The following UBE2E2 variants were observed in gnomAD, a reference collection of about 807,000 sequenced individuals.
The protein encoded by UBE2E2 is ubiquitin conjugating enzyme E2 E2, also known as ubiquitin-conjugating enzyme E2 E2.
In UBE2E2, 6 loss-of-function variants were observed where a neutral mutation model predicts 24.7. That is an observed-to-expected ratio of 0.24 (90% CI 0.13 to 0.48). The LOEUF is 0.48. Ranked by LOEUF, UBE2E2 falls within the 20% of genes least tolerant of loss-of-function variation. The pLI is 0.99. For synonymous variants in UBE2E2, 104 were observed against 83.6 expected (o/e 1.24, Z -1.33); for missense variants, 169 against 245.0 (o/e 0.69, Z 2.07).
intron 3 of UBE2E2, among the ~76,000 whole-genome samples, chr3:23,348,689 C>T (rs1695634861): frequency 6.6e-6 from 1 of 152,050 alleles, no homozygotes; most frequent in African/African-American, 2.4e-5. Context: ...AAGAATGATA[C>T]CTGGGCCCTG....
intron 4 of UBE2E2, among the ~76,000 whole-genome samples, chr3:23,518,115 T>TA (rs1245413032): frequency 6.6e-6 from 1 of 152,136 alleles, no homozygotes; most frequent in Non-Finnish European, 1.5e-5. Flanking sequence ...GCAGTAGTCT[T>TA]ACAGAGAATA....
intron 3 of UBE2E2, among the ~76,000 whole-genome samples, chr3:23,270,042 G>C (rs1027911069): frequency 4.0e-5 from 6 of 151,770 alleles, no homozygotes; most frequent in Non-Finnish European, 8.8e-5. Context: ...TGCAGGCCCC[G>C]AGTAGCTCAT....
At chr3:23,403,227 C>A (rs1262547731) in intron 3 of UBE2E2, among the ~76,000 whole-genome samples, 5 of 152,234 alleles carry the variant, frequency 3.3e-5, no homozygotes, top group Non-Finnish European at 7.3e-5. Flanking sequence ...TCAAACACCA[C>A]CCCTGTGGGC....
At chr3:23,300,588 C>T (rs556334317) in intron 3 of UBE2E2, among the ~76,000 whole-genome samples, 1 of 152,190 alleles carries the variant, frequency 6.6e-6, no homozygotes, top group Admixed American at 6.5e-5. Flanking sequence ...AAATTCATTT[C>T]TTTAAGAATG....
intron 3 of UBE2E2, among the ~76,000 whole-genome samples, chr3:23,410,310 A>G (rs1037221041): frequency 4.6e-5 from 7 of 152,188 alleles, no homozygotes; most frequent in Admixed American, 3.9e-4. Context: ...CAGCATTTAA[A>G]CAACAGTTTT....
intron 3 of UBE2E2, among the ~76,000 whole-genome samples, chr3:23,360,198 G>A (rs547212890): frequency 6.6e-6 from 1 of 152,252 alleles, no homozygotes; most frequent in East Asian, 1.9e-4. Context: ...ATGTTCCAAA[G>A]TATTCCCATA....
At chr3:23,354,073 A>C (rs1236299007) in intron 3 of UBE2E2, among the ~76,000 whole-genome samples, 1 of 152,202 alleles carries the variant, frequency 6.6e-6, no homozygotes, top group Non-Finnish European at 1.5e-5. Context: ...AGCCCTCAGA[A>C]ATAACGCCAC....
chr3:23,584,491 A>C (rs1696563667), intron 5 of UBE2E2, among the ~76,000 whole-genome samples: 1 of 151,946 alleles, frequency 6.6e-6, no homozygotes, highest in East Asian at 1.9e-4. Flanking sequence ...TTTCCTCTAG[A>C]ATCAAAGGTG....
chr3:23,278,941 A>T (rs191749711), intron 3 of UBE2E2, among the ~76,000 whole-genome samples: 1 of 131,726 alleles, frequency 7.6e-6, no homozygotes, highest in Admixed American at 7.1e-5. Flanking sequence ...TTCATTTTCC[A>T]GTTTTTTTTA....
rs992759010 is a variant in UBE2E2 at position 23,588,414 on chromosome 3, T to G, written c.509-1320T>G. On this transcript the variant is annotated intron_variant, in intron 5 of 5. Transcript: ENST00000396703. ...TTTTTGTTTTTTTGTTTTTTTGTTT[T>G]TTTTTTTTTGTCTTTTTTTTTAAAG... Among the ~76,000 whole-genome samples the G allele has an allele frequency of 1.8e-3, 254 of 137,872 alleles. 1 individual carries two copies. The highest frequency in any genetic ancestry group is 7.2e-3 in the African/African-American group (235 of 32,672). 90.4% of individuals were successfully genotyped at this position (137,872 alleles called of 152,430 possible). A position where few individuals can be genotyped will look rare whatever the true frequency, so the allele number is the denominator to read the frequency against.
chr3:23,568,672 C>CAT (rs563545833), intron 5 of UBE2E2, among the ~76,000 whole-genome samples: 1 of 139,344 alleles, frequency 7.2e-6, no homozygotes, highest in African/African-American at 2.7e-5. Flanking sequence ...TATATACGCA[C>CAT]ATATATGTAT....
chr3:23,352,686 A>T (rs1266204713), intron 3 of UBE2E2, among the ~76,000 whole-genome samples: 1 of 151,972 alleles, frequency 6.6e-6, no homozygotes, highest in Non-Finnish European at 1.5e-5. Flanking sequence ...TAAACCAGGA[A>T]GAAGTTGAAT....
At chr3:23,571,280 C>CTTTCTTTTTTTT (rs1696218039) in intron 5 of UBE2E2, among the ~76,000 whole-genome samples, 5 of 29,866 alleles carry the variant, frequency 1.7e-4, no homozygotes, top group African/African-American at 4.1e-4. Context: ...GTGCTCCTTT[C>CTTTCTTTTTTTT]TTTTTTTTTT....
intron 4 of UBE2E2, among the ~76,000 whole-genome samples, chr3:23,524,290 A>G (rs1407943353): frequency 6.6e-6 from 1 of 152,118 alleles, no homozygotes; most frequent in Non-Finnish European, 1.5e-5. Context: ...TTATTTATAT[A>G]TGGAGTCTTG....
chr3:23,410,442 A>T lies in UBE2E2; in HGVS notation c.228-89166A>T, dbSNP rs558794530. Among the ~76,000 whole-genome samples, 20 of 152,296 alleles carry T rather than the reference A, an allele frequency of 1.3e-4. No individual in the cohort carries two copies. The South Asian group carries it at 4.1e-3, about 32-fold the overall frequency. Reference sequence around the variant, plus strand: ...GTGTTGAGAGTAAAGATAGAGTGAGAGAGAACTTAGCTGTAAACCCTATTT... The same window carrying T: ...GTGTTGAGAGTAAAGATAGAGTGAGTGAGAACTTAGCTGTAAACCCTATTT... On this transcript the variant is annotated intron_variant, in intron 3 of 5. Transcript: ENST00000396703.
chr3:23,356,161 C>G (rs1466376666), intron 3 of UBE2E2, among the ~76,000 whole-genome samples: 1 of 152,148 alleles, frequency 6.6e-6, no homozygotes, highest in Non-Finnish European at 1.5e-5. Context: ...CAGTCTGGAC[C>G]TTACTCAGGG....
chr3:23,351,816 A>G (rs1284109967), intron 3 of UBE2E2, among the ~76,000 whole-genome samples: 1 of 152,200 alleles, frequency 6.6e-6, no homozygotes, highest in Non-Finnish European at 1.5e-5. Context: ...TCAACATTAG[A>G]CAGATCAACG....
At chr3:23,264,100 C>A (rs1326439600) in intron 3 of UBE2E2, among the ~76,000 whole-genome samples, 1 of 152,116 alleles carries the variant, frequency 6.6e-6, no homozygotes, top group Non-Finnish European at 1.5e-5. Context: ...CTATGTTTTG[C>A]TGTCGAGAAA....
intron 3 of UBE2E2, among the ~76,000 whole-genome samples, chr3:23,361,938 T>A (rs975107109): frequency 6.6e-6 from 1 of 152,240 alleles, no homozygotes; most frequent in Non-Finnish European, 1.5e-5. Flanking sequence ...TGTATAATCT[T>A]ATGTAATTTA....
Sources: gnomAD v4.1 joint callset for allele counts (sites outside exome capture counted in the v4.1 genomes callset) on GRCh38, gnomAD v4.1.1 for gene constraint, MANE v1.5 for transcripts, NCBI Gene and HGNC (gene_info 2026-07-23, HGNC 2026-07-21) for gene names.